DNMT3A: variants seen among roughly 807,000 people sequenced by gnomAD.
DNMT3A encodes DNA (cytosine-5)-methyltransferase 3A.
In DNMT3A, 267 loss-of-function variants were observed where a neutral mutation model predicts 117.6. The observed-to-expected ratio is 2.27, with a 90% CI of 2.05 to 2.51. The LOEUF (loss-of-function observed/expected upper bound fraction) is 2.51. DNMT3A is among the 30% of genes most tolerant of loss of function. The probability of loss-of-function intolerance (pLI) is 0.00; values close to 1 mark genes in which losing one functional copy is unlikely to be tolerated. For missense variants in DNMT3A, 1,029 were observed against 1,260.2 expected (o/e 0.82, Z 2.78); for synonymous variants, 432 against 474.8 (o/e 0.91, Z 1.17).
In DNMT3A at chr2:25,244,606, T is replaced by C; in HGVS notation, c.1601A>G (p.Gln534Arg). Reference protein sequence around the residue: ...CAYQYDDDGYQSYCTICCGGR... With the variant: ...CAYQYDDDGYRSYCTICCGGR... ...CCCACAGCAGATGGTGCAGTAGGAC[T>C]GGTAGCCGTCGTCGTCGTACTGGTA... The change falls in exon 14 of 23, where the codon CAG (glutamine) becomes CGG (arginine). Residue 534 changes from glutamine (Q) to arginine (R), a missense_variant. Physicochemically the swap from Gln to Arg is conservative, Grantham distance 43 (BLOSUM62 1). Coordinates refer to ENST00000321117, the MANE Select transcript of DNMT3A (RefSeq NM_022552.5). 1 of 1,614,198 alleles carries C rather than the reference T, an allele frequency of 6.2e-7. No individual in the cohort carries two copies. Among genetic ancestry groups the C allele is most frequent in the Non-Finnish European group, 8.5e-7 (1 of 1,180,024 alleles).
At chr2:25,263,159 C>G (rs1676756363) in intron 6 of DNMT3A, among the ~76,000 whole-genome samples, 1 of 152,084 alleles carries the variant, frequency 6.6e-6, no homozygotes, top group Non-Finnish European at 1.5e-5. Flanking sequence ...TGCTCTTGAA[C>G]TCCTGGGCTC....
At chr2:25,338,509 G>A (rs1341288085) in intron 1 of DNMT3A, among the ~76,000 whole-genome samples, 4 of 152,132 alleles carry the variant, frequency 2.6e-5, no homozygotes, top group South Asian at 2.1e-4. Flanking sequence ...GCTGGGCAGC[G>A]GCGCACAGCA....
At chr2:25,341,501 G>A (rs1325357535) in intron 1 of DNMT3A, among the ~76,000 whole-genome samples, 2 of 145,920 alleles carry the variant, frequency 1.4e-5, no homozygotes, top group Non-Finnish European at 3.1e-5. Flanking sequence ...GCCCCCCGCG[G>A]CATTGTATAG....
chr2:25,300,751 AT>A (rs1375311401), intron 2 of DNMT3A, among the ~76,000 whole-genome samples: 3 of 60,376 alleles, frequency 5.0e-5, no homozygotes, highest in African/African-American at 7.0e-5. Flanking sequence ...ATATATATAT[AT>A]ATATATATAT....
intron 1 of DNMT3A, chr2:25,314,593 C>T: frequency 1.0e-6 from 1 of 985,420 alleles, no homozygotes; most frequent in Non-Finnish European, 1.2e-6. Flanking sequence ...ACCCCCACAC[C>T]TCCCGCCACG....
intron 4 of DNMT3A, among the ~76,000 whole-genome samples, chr2:25,278,001 T>A (rs952308517): frequency 1.3e-4 from 12 of 90,556 alleles, no homozygotes; most frequent in Admixed American, 6.3e-4. Context: ...ACTTGAGTGA[T>A]CACACACACA....
chr2:25,236,782 G>T lies in DNMT3A; in HGVS notation c.2478+154C>A, dbSNP rs1257104691. The T allele has an allele frequency of 2.6e-5, 19 of 737,732 alleles. No homozygotes were observed. Among genetic ancestry groups the T allele is most frequent in the Non-Finnish European group, 6.2e-6 (3 of 481,958 alleles). 45.7% of individuals were successfully genotyped at this position (737,732 alleles called of 1,614,324 possible). Reference sequence around the variant, plus strand: ...GCCAGCAGCCCTGGGCCCTCCTCTGGCTGCCCTGCTGCATGACCCTGCACC... The same window carrying T: ...GCCAGCAGCCCTGGGCCCTCCTCTGTCTGCCCTGCTGCATGACCCTGCACC... On this transcript the variant is annotated intron_variant, in intron 21 of 22. Coordinates refer to ENST00000321117, the MANE Select transcript of DNMT3A (RefSeq NM_022552.5). This position sits in a 1 kb window ranked among gnomAD's most constrained non-coding sequence, Gnocchi z 4.5.
rs75292383 is a variant in DNMT3A at position 25,327,478 on chromosome 2, G to C, written c.-177-13317C>G. 1.2e-3 allele frequency among the ~76,000 whole-genome samples: 181 copies of C among 152,226 alleles called. 9 individuals are homozygous for C. In the East Asian group the frequency reaches 0.034, roughly 28 times the overall value. The stretch of plus-strand genomic sequence containing the variant: ...AGACCCCTGCTTCTGGAGCTCACCA[G>C]CAACTGCCTTCTGTGTGTTCTCTCC... On this transcript the variant is annotated intron_variant, in intron 1 of 22. Coordinates refer to ENST00000321117, the MANE Select transcript of DNMT3A (RefSeq NM_022552.5). The surrounding 1 kb of genome is among the most constrained non-coding windows in gnomAD (Gnocchi z 4.1).
intron 3 of DNMT3A, among the ~76,000 whole-genome samples, chr2:25,290,832 T>A (rs1368647374): frequency 2.0e-5 from 3 of 151,944 alleles, no homozygotes; most frequent in Admixed American, 6.6e-5. Context: ...CCATTCTCCC[T>A]CCTCCCCTGC....
At chr2:25,340,465 G>A (rs1440927087) in intron 1 of DNMT3A, among the ~76,000 whole-genome samples, 1 of 152,108 alleles carries the variant, frequency 6.6e-6, no homozygotes, top group African/African-American at 2.4e-5. Flanking sequence ...ATGAGGGGCT[G>A]GGGGAGGCCA....
intron 1 of DNMT3A, among the ~76,000 whole-genome samples, chr2:25,323,176 G>GCTAA (rs2034662761): frequency 6.6e-6 from 1 of 152,162 alleles, no homozygotes; most frequent in African/African-American, 2.4e-5. Context: ...ATGGAAGGAT[G>GCTAA]CTAACATGGT....
chr2:25,311,233 A>G lies in DNMT3A; in HGVS notation c.72+2680T>C, dbSNP rs1284716514. 6.6e-6 allele frequency among the ~76,000 whole-genome samples: 1 copy of G among 152,176 alleles called. No homozygotes were observed. The highest frequency in any genetic ancestry group is 1.5e-5 in the Non-Finnish European group (1 of 68,018). On this transcript the variant is annotated intron_variant, in intron 2 of 22. Transcript: ENST00000321117. This position sits in a 1 kb window ranked among gnomAD's most constrained non-coding sequence, Gnocchi z 5.2. The stretch of plus-strand genomic sequence containing the variant: ...CCACACCCCTTCCATCTGGCTTGCC[A>G]AACAGTTCCTTTGTGCACAGTGCCC...
At chr2:25,318,029 C>T (rs1402092954) in intron 1 of DNMT3A, among the ~76,000 whole-genome samples, 1 of 152,112 alleles carries the variant, frequency 6.6e-6, no homozygotes, top group Non-Finnish European at 1.5e-5. Context: ...GCCACCGCGC[C>T]GGCCGGGAAG....
chr2:25,316,307 C>T (rs2034378872), intron 1 of DNMT3A, among the ~76,000 whole-genome samples: 1 of 152,192 alleles, frequency 6.6e-6, no homozygotes, highest in African/African-American at 2.4e-5. Flanking sequence ...GGCATTGGCC[C>T]CAAGGGCAGA....
At chr2:25,297,624 C>T (rs1030290940) in intron 3 of DNMT3A, among the ~76,000 whole-genome samples, 14 of 151,554 alleles carry the variant, frequency 9.2e-5, no homozygotes, top group African/African-American at 2.9e-4. Flanking sequence ...GATTCTCTTG[C>T]CTCAGCCTCC....
At chr2:25,283,382 A>G (rs1167729077) in intron 3 of DNMT3A, among the ~76,000 whole-genome samples, 3 of 142,590 alleles carry the variant, frequency 2.1e-5, no homozygotes, top group Non-Finnish European at 4.6e-5. Flanking sequence ...AAAAAAAAAA[A>G]GCTCCTTGTG....
intron 1 of DNMT3A, among the ~76,000 whole-genome samples, chr2:25,338,719 G>A (rs1379883410): frequency 6.6e-6 from 1 of 152,184 alleles, no homozygotes. Flanking sequence ...CCAGGTAAGA[G>A]GTATAGCATG....
rs952022305 is a variant in DNMT3A at position 25,231,387 on chromosome 2, G to A, written c.*2892C>T. The A allele has an allele frequency of 6.6e-6, 1 of 152,208 alleles. No homozygotes were observed. The highest frequency in any genetic ancestry group is 2.4e-5 in the African/African-American group (1 of 41,446). The allele number at this position is 152,208 out of a possible 1,614,324, so 9.4% of individuals were successfully genotyped here. A position where few individuals can be genotyped will look rare whatever the true frequency, so the allele number is the denominator to read the frequency against. On this transcript the variant is annotated 3_prime_UTR_variant, in exon 23 of 23. Coordinates refer to ENST00000321117, the MANE Select transcript of DNMT3A (RefSeq NM_022552.5). ...TGTCAAGAGGTGACAGGAAGCAACT[G>A]GGCATGATCTTAAACACCAATCTGT...
intron 1 of DNMT3A, among the ~76,000 whole-genome samples, chr2:25,316,702 G>A (rs149329288): frequency 3.3e-5 from 5 of 152,176 alleles, no homozygotes; most frequent in East Asian, 1.9e-4. Context: ...CCACCACATC[G>A]GTCCTTCCAC....
Sources: gnomAD v4.1 joint callset for allele counts (sites outside exome capture counted in the v4.1 genomes callset) on GRCh38, gnomAD v4.1.1 for gene constraint, Gnocchi (gnomAD v3.1) non-coding constraint, MANE v1.5 for transcripts, NCBI Gene and HGNC (gene_info 2026-07-23, HGNC 2026-07-21) for gene names.